The following RNF214 variants were observed in gnomAD, a reference collection of about 807,000 sequenced individuals.
RNF214 encodes the protein ring finger protein 214.
In RNF214, 25 loss-of-function variants were observed where a neutral mutation model predicts 75.9. That is an observed-to-expected ratio of 0.33 (90% CI 0.24 to 0.46). The LOEUF is 0.46. Ranked by LOEUF, RNF214 falls within the 20% of genes least tolerant of loss-of-function variation. The probability of loss-of-function intolerance (pLI) is 1.00; values close to 1 mark genes in which losing one functional copy is unlikely to be tolerated. For missense variants in RNF214, 725 were observed against 857.5 expected, an observed-to-expected ratio of 0.85 and a Z score of 1.93; for synonymous variants, 314 against 308.8, an observed-to-expected ratio of 1.02 and a Z score of -0.18.
At chr11:117,284,984 G>C (rs1402124742) in intron 14 of RNF214, 102 bp from the exon 15 acceptor site, 1 of 818,306 alleles carries the variant, frequency 1.2e-6, no homozygotes, top group African/African-American at 1.7e-5. Flanking sequence ...CTCAGTGTAA[G>C]AACTTTTCTG....
chr11:117,237,496 G>C (rs533306644), intron 2 of RNF214, among the ~76,000 whole-genome samples: 7 of 152,238 alleles, frequency 4.6e-5, no homozygotes, highest in Non-Finnish European at 8.8e-5. Flanking sequence ...TATAGAATTA[G>C]TTTAAAAAAA....
At chr11:117,235,428 C>T in intron 2 of RNF214, among the ~76,000 whole-genome samples, 2 of 151,180 alleles carry the variant, frequency 1.3e-5, no homozygotes, top group Non-Finnish European at 1.5e-5. Context: ...GATCTCCTGA[C>T]CTCGTGATCC....
chr11:117,241,684 A>G (rs1168610084), intron 4 of RNF214, among the ~76,000 whole-genome samples: 2 of 151,388 alleles, frequency 1.3e-5, no homozygotes, highest in Admixed American at 1.3e-4. Context: ...AAGTTTTTTT[A>G]TGCCTCCTGC....
intron 6 of RNF214, among the ~76,000 whole-genome samples, chr11:117,278,492 TG>T (rs1160902259): frequency 6.6e-6 from 1 of 152,236 alleles, no homozygotes; most frequent in Non-Finnish European, 1.5e-5. Context: ...TTGCTGGCTG[TG>T]TTGCTTAACG....
intron 5 of RNF214, among the ~76,000 whole-genome samples, 188 bp downstream of exon 5, chr11:117,244,773 T>C (rs1424478782): frequency 1.3e-5 from 2 of 151,566 alleles, no homozygotes; most frequent in Non-Finnish European, 2.9e-5. Context: ...TTAAGTGATC[T>C]TCCCACCTCA....
At chr11:117,244,080 C>G (rs1474950200) in intron 4 of RNF214, among the ~76,000 whole-genome samples, 1 of 152,216 alleles carries the variant, frequency 6.6e-6, no homozygotes, top group African/African-American at 2.4e-5. Context: ...CTCCCAGGCT[C>G]AAGCGATCAT....
chr11:117,238,991 C>T lies in RNF214; in HGVS notation c.498C>T (p.Asp166=), dbSNP rs747815022. 2 of 1,614,156 alleles carry T rather than the reference C, an allele frequency of 1.2e-6. No homozygotes were observed. Among genetic ancestry groups the T allele is most frequent in the South Asian group, 1.1e-5 (1 of 91,086 alleles). ...CCATCCTAAAGGAAGGTAACAGGGA[C>T]ACAAGCTTGGATTTCCGACCTGTAG... ...QTSILKEGNR[D]TSLDFRPVVS... Residue 166 remains aspartate (D), a synonymous_variant, in exon 3 of 15, where the codon GAC becomes GAT. Coordinates refer to ENST00000300650, the MANE Select transcript of RNF214 (RefSeq NM_207343.4).
chr11:117,245,505 A>C (rs71466798), intron 5 of RNF214, among the ~76,000 whole-genome samples: 1 of 151,120 alleles, frequency 6.6e-6, no homozygotes, highest in South Asian at 2.1e-4. Context: ...ACGCCCGGCT[A>C]ATTTTTTGTA....
intron 13 of RNF214, 67 bp downstream of exon 13, chr11:117,282,917 A>T: frequency 1.6e-6 from 2 of 1,275,444 alleles, no homozygotes. Context: ...GTGGGTTTAC[A>T]GGTGGAGTGC....
intron 2 of RNF214, among the ~76,000 whole-genome samples, chr11:117,236,480 T>G (rs1402344936): frequency 6.6e-6 from 1 of 151,870 alleles, no homozygotes; most frequent in African/African-American, 2.4e-5. Context: ...CACCATGTTG[T>G]CCAGGATGGT....
At chr11:117,281,798 A>G in intron 10 of RNF214, 96 bp from the exon 11 acceptor site, 2 of 1,516,076 alleles carry the variant, frequency 1.3e-6, no homozygotes, top group Non-Finnish European at 9.1e-7. Context: ...GACCATCCCT[A>G]TTCAGTGCAA....
At chr11:117,277,275 G>A (rs1229202942) in intron 6 of RNF214, among the ~76,000 whole-genome samples, 1 of 152,144 alleles carries the variant, frequency 6.6e-6, no homozygotes, top group African/African-American at 2.4e-5. Flanking sequence ...CCTGGGGGGT[G>A]GAGGTTGCAG....
chr11:117,243,219 T>C (rs2033128412), intron 4 of RNF214, among the ~76,000 whole-genome samples: 5 of 152,234 alleles, frequency 3.3e-5, no homozygotes, highest in Admixed American at 3.3e-4. Context: ...CAGTCTCTGC[T>C]CACTGCAACC....
chr11:117,270,051 G>T (rs965742377), intron 6 of RNF214, among the ~76,000 whole-genome samples: 7 of 151,910 alleles, frequency 4.6e-5, no homozygotes, highest in Admixed American at 3.3e-4. Flanking sequence ...ATTCCTAGGT[G>T]GGGGATCTTA....
At chr11:117,265,127 A>G (rs969051088) in intron 6 of RNF214, among the ~76,000 whole-genome samples, 1 of 151,846 alleles carries the variant, frequency 6.6e-6, no homozygotes, top group Non-Finnish European at 1.5e-5. Flanking sequence ...TTTTAATTAG[A>G]GCCTTTAGTT....
At chr11:117,240,739 A>G (rs1052409686) in intron 4 of RNF214, among the ~76,000 whole-genome samples, 1 of 150,924 alleles carries the variant, frequency 6.6e-6, no homozygotes, top group African/African-American at 2.4e-5. Context: ...GAAGATAAAA[A>G]CCTTATAACT....
At chr11:117,266,549 A>G (rs946823188) in intron 6 of RNF214, among the ~76,000 whole-genome samples, 13 of 151,968 alleles carry the variant, frequency 8.6e-5, no homozygotes, top group Non-Finnish European at 1.8e-4. Context: ...GTTCAGAGAC[A>G]GGGGTTTGCC....
chr11:117,280,239 ATTGCACCTTAC>A lies in RNF214; in HGVS notation c.1128_1138del (p.His377ProfsTer33). The A allele has an allele frequency of 6.2e-7, 1 of 1,610,160 alleles. No individual in the cohort carries two copies. The highest frequency in any genetic ancestry group is 8.5e-7 in the Non-Finnish European group (1 of 1,176,404). The stretch of plus-strand genomic sequence containing the variant: ...TAGAAGAAGCAGAAAAAGAGGCAGA[ATTGCACCTTAC>A]TTACCTCAAGTAAGTACCTTTCCGT... On this transcript the variant is annotated frameshift_variant, in exon 8 of 15. Transcript: ENST00000300650. LOFTEE classifies it high-confidence loss of function.
In RNF214 at chr11:117,281,335, G is replaced by C; in HGVS notation, c.1167G>C (p.Glu389Asp). 1 of 1,613,414 alleles carries C rather than the reference G, an allele frequency of 6.2e-7. No individual in the cohort carries two copies. Among genetic ancestry groups the C allele is most frequent in the Non-Finnish European group, 8.5e-7 (1 of 1,179,568 alleles). ...TYLKSTPPTL[E>D]TVRSKQEWET... ...AAAGGTCAACTCCCCCAACACTGGA[G>C]ACAGTTCGTTCCAAACAGGAGTGGG... is the stretch of plus-strand genomic sequence containing the variant. The change falls in exon 9 of 15, where the codon GAG (glutamate) becomes GAC (aspartate). Residue 389 changes from glutamate (E) to aspartate (D), a missense_variant. Coordinates refer to ENST00000300650, the MANE Select transcript of RNF214 (RefSeq NM_207343.4).
Sources: gnomAD v4.1 joint callset for allele counts (sites outside exome capture counted in the v4.1 genomes callset) on GRCh38, gnomAD v4.1.1 for gene constraint, MANE v1.5 for transcripts, NCBI Gene and HGNC (gene_info 2026-07-23, HGNC 2026-07-21) for gene names.